Variants in CDK13 observed in about 807,000 individuals in gnomAD.
The protein encoded by CDK13 is cyclin-dependent kinase 13.
CDK13 carries 40 observed loss-of-function variants against 137.6 expected under a neutral mutation model. The observed-to-expected ratio is 0.29, with a 90% CI of 0.23 to 0.38. CDK13 has a LOEUF of 0.38. Among genes scored for constraint, CDK13 ranks in the 10% least tolerant of loss-of-function variants. CDK13 has a pLI of 1.00. For missense variants in CDK13, 1,704 were observed against 1,951.8 expected (o/e 0.87, Z 2.39); for synonymous variants, 869 against 760.1 (o/e 1.14, Z -2.36).
chr7:40,047,566 TATA>T (rs1240150637), intron 6 of CDK13, among the ~76,000 whole-genome samples: 1 of 151,850 alleles, frequency 6.6e-6, no homozygotes. Flanking sequence ...ATTCTAATAT[TATA>T]ATACAGTAAT....
intron 1 of CDK13, among the ~76,000 whole-genome samples, chr7:39,979,256 G>T (rs1001305058): frequency 4.5e-5 from 5 of 109,994 alleles, no homozygotes; most frequent in South Asian, 2.7e-4. Flanking sequence ...CGCTCTTGTT[G>T]CCCAGGCTGG....
chr7:40,087,032 A>T (rs568385284), intron 11 of CDK13, among the ~76,000 whole-genome samples: 6 of 151,896 alleles, frequency 4.0e-5, no homozygotes, highest in Admixed American at 3.9e-4. Flanking sequence ...TGAACTCCTG[A>T]GCTCAAGTGA....
intron 1 of CDK13, among the ~76,000 whole-genome samples, chr7:39,966,825 C>CT (rs1262568739): frequency 1.3e-5 from 2 of 152,174 alleles, no homozygotes; most frequent in African/African-American, 4.8e-5. Context: ...AGCTTTCCTT[C>CT]TAACAGTCAG....
At position 40,094,731 on chromosome 7, in the gene CDK13, C is replaced by T. The variant is rs1562771182; in HGVS notation, c.4290C>T (p.Ser1430=). 24 of 1,614,114 alleles carry T rather than the reference C, an allele frequency of 1.5e-5. No individual in the cohort carries two copies. The highest frequency in any genetic ancestry group is 2.0e-5 in the Non-Finnish European group (24 of 1,179,998). Residue 1430 remains serine (S), a synonymous_variant, in exon 14 of 14, where the codon AGC becomes AGT. Coordinates refer to ENST00000181839, the MANE Select transcript of CDK13 (RefSeq NM_003718.5). ...ACAAGGACCATAGATTTGAATATAGCCATGGTCCTATTGCAGTCCTGGCAA... is the reference window on the plus strand; with the variant it reads ...ACAAGGACCATAGATTTGAATATAGTCATGGTCCTATTGCAGTCCTGGCAA... ...SGDKDHRFEY[S]HGPIAVLANS...
At chr7:40,046,730 G>A (rs1312074084) in intron 6 of CDK13, among the ~76,000 whole-genome samples, 3 of 151,410 alleles carry the variant, frequency 2.0e-5, no homozygotes, top group Non-Finnish European at 4.4e-5. Context: ...TGGCCGGGTG[G>A]GGCAGCTCAG....
At chr7:40,035,631 G>A (rs1304478912) in intron 5 of CDK13, among the ~76,000 whole-genome samples, 1 of 149,426 alleles carries the variant, frequency 6.7e-6, no homozygotes, top group Non-Finnish European at 1.5e-5. Context: ...CTAGTTGCAG[G>A]AAAACCAGCT....
At chr7:40,052,544 G>T (rs749031288) in intron 7 of CDK13, among the ~76,000 whole-genome samples, 7 of 152,074 alleles carry the variant, frequency 4.6e-5, no homozygotes, top group Non-Finnish European at 1.0e-4. Context: ...TAACCAGAAA[G>T]CATACTACAT....
intron 1 of CDK13, among the ~76,000 whole-genome samples, chr7:39,973,108 T>A (rs1019738200): frequency 2.6e-5 from 4 of 152,138 alleles, no homozygotes; most frequent in Non-Finnish European, 5.9e-5. Flanking sequence ...TTTTGAGAAA[T>A]GTCTACATGA....
intron 4 of CDK13, among the ~76,000 whole-genome samples, chr7:40,001,374 C>A (rs1360075018): frequency 6.6e-6 from 1 of 151,942 alleles, no homozygotes; most frequent in Non-Finnish European, 1.5e-5. Context: ...GTTACAGGCG[C>A]CCAGCTAATT....
intron 1 of CDK13, among the ~76,000 whole-genome samples, chr7:39,964,850 C>T (rs573383994): frequency 6.6e-6 from 1 of 152,208 alleles, no homozygotes; most frequent in East Asian, 1.9e-4. Context: ...TTTCAAAGAA[C>T]ATCTTTATTT....
intron 5 of CDK13, among the ~76,000 whole-genome samples, chr7:40,026,769 A>C (rs1785252238): frequency 6.6e-6 from 1 of 152,210 alleles, no homozygotes; most frequent in African/African-American, 2.4e-5. Flanking sequence ...TTTAAAATGA[A>C]AATACTAGGA....
rs184450945 is a variant in CDK13, at chr7:40,053,733, A to T, written c.2600+5856A>T. Among the ~76,000 whole-genome samples, 48 of 151,848 alleles carry T rather than the reference A, an allele frequency of 3.2e-4. No homozygotes were observed. The East Asian group carries it at 8.7e-3, about 28-fold the overall frequency. On this transcript the variant is annotated intron_variant, in intron 7 of 13. Coordinates refer to ENST00000181839, the MANE Select transcript of CDK13 (RefSeq NM_003718.5). ...TATGTATTATTTATAGTACATGATT[A>T]TAATTTATATTACCACCATTTTTCT...
At chr7:40,088,430 A>G (rs1290880352) in intron 12 of CDK13, 99 bp downstream of exon 12, 1 of 949,884 alleles carries the variant, frequency 1.1e-6, no homozygotes, top group Non-Finnish European at 1.6e-6. Flanking sequence ...CTAACAATGA[A>G]AATTAACATT....
At position 39,950,709 on chromosome 7, in the gene CDK13, A is replaced by G. The variant is rs1385541627; in HGVS notation, c.68A>G (p.Glu23Gly). The change falls in exon 1 of 14, where the codon GAG (glutamate) becomes GGG (glycine). Residue 23 changes from glutamate (E) to glycine (G), a missense_variant. Physicochemically the swap from Glu to Gly is moderately conservative, Grantham distance 98 (BLOSUM62 -2). Around this residue, in one of 5 missense-constraint regions of CDK13, gnomAD observed 1,051 missense variants for 931.0 expected, o/e 1.13. Coordinates refer to ENST00000181839, the MANE Select transcript of CDK13 (RefSeq NM_003718.5). ...CTGAGCTGGGCGGAGAAGAAGTTGG[A>G]GGAACGCCGCAAGCGGAGGCGATTC... ...GGLSWAEKKL[E>G]ERRKRRRFLS... is the part of the protein sequence containing the mutation. 4.8e-6 allele frequency: 7 copies of G among 1,451,392 alleles called. No homozygotes were observed. The highest frequency in any genetic ancestry group is 2.7e-5 in the Admixed American group (1 of 37,434). The allele number at this position is 1,451,392 out of a possible 1,614,324, so 89.9% of individuals were successfully genotyped here. A position where few individuals can be genotyped will look rare whatever the true frequency, so the allele number is the denominator to read the frequency against.
rs745810486 is a variant in CDK13, at chr7:40,078,047, A to G, written c.2823A>G (p.Val941=). 6.3e-7 allele frequency: 1 copy of G among 1,598,968 alleles called. No individual in the cohort carries two copies. Among genetic ancestry groups the G allele is most frequent in the South Asian group, 1.1e-5 (1 of 88,530 alleles). Residue 941 remains valine, a synonymous_variant, in exon 10 of 14, where the codon GTA becomes GTG. Transcript: ENST00000181839. ...CATGTCCTGCAGTGTGGCCTGATGTAATCAAACTACCATATTTCAACACCA... is the reference window on the plus strand; with the variant it reads ...CATGTCCTGCAGTGTGGCCTGATGTGATCAAACTACCATATTTCAACACCA... The part of the protein sequence containing the change: ...GSPCPAVWPD[V]IKLPYFNTMK...
In CDK13 at chr7:40,095,086, CT is replaced by C; in HGVS notation, c.*109del. On this transcript the variant is annotated 3_prime_UTR_variant, in exon 14 of 14. Coordinates refer to ENST00000181839, the MANE Select transcript of CDK13 (RefSeq NM_003718.5). ...TTGAATAATAATAATTCAACAACAGCTTTATTTTTATGTGGAGAAGGGTCTT... is the reference window on the plus strand; with the variant it reads ...TTGAATAATAATAATTCAACAACAGCTTATTTTTATGTGGAGAAGGGTCTT... The C allele has an allele frequency of 9.8e-7, 1 of 1,020,366 alleles. No homozygotes were observed. Among genetic ancestry groups the C allele is most frequent in the Non-Finnish European group, 1.3e-6 (1 of 757,752 alleles). 63.2% of individuals were successfully genotyped at this position (1,020,366 alleles called of 1,614,324 possible).
chr7:40,083,330 G>T (rs1665463975), intron 11 of CDK13, among the ~76,000 whole-genome samples: 1 of 150,530 alleles, frequency 6.6e-6, no homozygotes, highest in South Asian at 2.1e-4. Flanking sequence ...AAAAGATGAA[G>T]AATTAGAGAT....
intron 5 of CDK13, among the ~76,000 whole-genome samples, chr7:40,007,344 C>T (rs1309772974): frequency 6.6e-6 from 1 of 152,228 alleles, no homozygotes; most frequent in Non-Finnish European, 1.5e-5. Context: ...GATTCCCAAA[C>T]AGTGTTAGGT....
Position 40,038,437 on chromosome 7 carries a change from A to G in CDK13, c.2354-7399A>G, listed in dbSNP as rs987784181. ...AAATAATGCTGCATTGAATAGCCCT[A>G]TGCATACATCATTTTGTATTTTGGC... On this transcript the variant is annotated intron_variant, in intron 5 of 13. Transcript: ENST00000181839. Among the ~76,000 whole-genome samples, 8 of 152,326 alleles carry G rather than the reference A, an allele frequency of 5.3e-5. No homozygotes were observed. The East Asian group carries it at 5.8e-4, about 11-fold the overall frequency.
Sources: gnomAD v4.1 joint callset for allele counts (sites outside exome capture counted in the v4.1 genomes callset) on GRCh38, gnomAD v4.1.1 for gene constraint, gnomAD v4.1.1 regional missense constraint, MANE v1.5 for transcripts, NCBI Gene and HGNC (gene_info 2026-07-23, HGNC 2026-07-21) for gene names.